The following UGT2B17 variants were observed in gnomAD, a reference collection of about 807,000 sequenced individuals.
The protein encoded by UGT2B17 is UDP-glucuronosyltransferase 2B17.
A neutral mutation model predicts 48.2 loss-of-function variants in UGT2B17; 21 were observed. That is an observed-to-expected ratio of 0.44 (90% confidence interval 0.31 to 0.63). The LOEUF (loss-of-function observed/expected upper bound fraction) is 0.63, where lower values mean the gene tolerates loss of function less well. Among genes scored for constraint, UGT2B17 ranks in the 20% least tolerant of loss-of-function variants. The pLI is 0.08. For synonymous variants in UGT2B17, 146 were observed against 238.4 expected, an observed-to-expected ratio of 0.61 and a Z score of 3.57; for missense variants, 402 against 696.1, an observed-to-expected ratio of 0.58 and a Z score of 4.75.
chr4:68,563,663 T>C lies in UGT2B17; in HGVS notation c.873+1909A>G, dbSNP rs1400433088. Among the ~76,000 whole-genome samples, 3 of 126,682 alleles carry C rather than the reference T, an allele frequency of 2.4e-5. 1 individual carries two copies. The highest frequency in any genetic ancestry group is 5.4e-5 in the African/African-American group (2 of 37,126). The allele number at this position is 126,682 out of a possible 152,430, so 83.1% of individuals were successfully genotyped here. On this transcript the variant is annotated intron_variant, in intron 3 of 6. Transcript: ENST00000317746. ...ATTCTCTTCCCCCTGCTAATGGCAC[T>C]ATCACTTTCTTTTGATGTGAGTGAG...
chr4:68,547,998 C>T lies in UGT2B17; in HGVS notation c.1313+2679G>A, dbSNP rs1443574793. On this transcript the variant is annotated intron_variant, in intron 6 of 6. Transcript: ENST00000317746. ...TGGTGGGACTGTAAACTAGTTCAAC[C>T]ATTGTGGAAGTCAGTGTGGCGATTC... 1.6e-5 allele frequency among the ~76,000 whole-genome samples: 2 copies of T among 126,442 alleles called. 1 individual carries two copies. The highest frequency in any genetic ancestry group is 3.4e-5 in the Non-Finnish European group (2 of 59,596). 83.0% of individuals were successfully genotyped at this position (126,442 alleles called of 152,430 possible). A position where few individuals can be genotyped will look rare whatever the true frequency, so the allele number is the denominator to read the frequency against.
At position 68,550,291 on chromosome 4, in the gene UGT2B17, GATA is replaced by G. The variant is rs1400471634; in HGVS notation, c.1313+383_1313+385del. ...TCATTTTCAAATTGATTAAAATAAT[GATA>G]ATAATAAAAATAAATTTTTGAGAAA... On this transcript the variant is annotated intron_variant, in intron 6 of 6. Transcript: ENST00000317746. 1.4e-4 allele frequency among the ~76,000 whole-genome samples: 18 copies of G among 124,846 alleles called. 2 individuals carry two copies. The highest frequency in any genetic ancestry group is 2.2e-4 in the African/African-American group (8 of 36,782). 81.9% of individuals were successfully genotyped at this position (124,846 alleles called of 152,430 possible).
intron 4 of UGT2B17, among the ~76,000 whole-genome samples, chr4:68,558,345 G>T (rs1731040694): frequency 8.0e-6 from 1 of 125,050 alleles, no homozygotes. Context: ...AGTGTCTTCA[G>T]GTTTTTTTTC....
At chr4:68,557,671 T>C (rs1731027279) in intron 4 of UGT2B17, among the ~76,000 whole-genome samples, 1 of 127,798 alleles carries the variant, frequency 7.8e-6, no homozygotes, top group African/African-American at 2.7e-5. Flanking sequence ...TATTTGTGAG[T>C]ATTTTTTACT....
intron 2 of UGT2B17, among the ~76,000 whole-genome samples, 176 bp downstream of exon 2, chr4:68,567,585 T>G (rs1731222200): frequency 8.0e-6 from 1 of 125,652 alleles, no homozygotes; most frequent in Non-Finnish European, 1.7e-5. Context: ...ACCAGGGTTC[T>G]AACTGATTCT....
rs930316163 is a variant in UGT2B17 at position 68,569,823 on chromosome 4, A to G, written c.-64-1275T>C. Reference sequence around the variant, plus strand: ...ACTGTCCCATCCTCACTTGGGGCTGATGCCATTTTAGGCCTCAGCCCACCT... The same window carrying G: ...ACTGTCCCATCCTCACTTGGGGCTGGTGCCATTTTAGGCCTCAGCCCACCT... On this transcript the variant is annotated intron_variant, in intron 1 of 6. Coordinates refer to ENST00000317746, the MANE Select transcript of UGT2B17 (RefSeq NM_001077.4). Among the ~76,000 whole-genome samples the G allele has an allele frequency of 6.3e-5, 8 of 126,470 alleles. 1 individual carries two copies. Among genetic ancestry groups the G allele is most frequent in the African/African-American group, 2.2e-4 (8 of 36,924 alleles). 83.0% of individuals were successfully genotyped at this position (126,470 alleles called of 152,430 possible). A position where few individuals can be genotyped will look rare whatever the true frequency, so the allele number is the denominator to read the frequency against.
At position 68,565,295 on chromosome 4, in the gene UGT2B17, T is replaced by G. The variant is rs1029927937; in HGVS notation, c.873+277A>C. 2.4e-5 allele frequency among the ~76,000 whole-genome samples: 3 copies of G among 126,440 alleles called. 1 individual carries two copies. The highest frequency in any genetic ancestry group is 5.0e-5 in the Non-Finnish European group (3 of 59,746). The allele number at this position is 126,440 out of a possible 152,430, so 82.9% of individuals were successfully genotyped here. A position where few individuals can be genotyped will look rare whatever the true frequency, so the allele number is the denominator to read the frequency against. On this transcript the variant is annotated intron_variant, in intron 3 of 6. Transcript: ENST00000317746. ...CATTAATCACTCTACAAATATTTTTTGAAGAAATGAACCATACTATCTTGT... is the reference window on the plus strand; with the variant it reads ...CATTAATCACTCTACAAATATTTTTGGAAGAAATGAACCATACTATCTTGT...
chr4:68,564,273 C>CATAT lies in UGT2B17; in HGVS notation c.873+1295_873+1298dup, dbSNP rs199693880. ...TGTCCTTAATGGGTATATCAAATTT[C>CATAT]ATATATATATATATATATATATTTT... On this transcript the variant is annotated intron_variant, in intron 3 of 6. Transcript: ENST00000317746. Among the ~76,000 whole-genome samples the CATAT allele has an allele frequency of 2.1e-4, 20 of 93,400 alleles. 3 individuals carry two copies. Among genetic ancestry groups the CATAT allele is most frequent in the African/African-American group, 9.1e-4 (20 of 21,912 alleles). The allele number at this position is 93,400 out of a possible 152,430, so 61.3% of individuals were successfully genotyped here.
rs1471649038 is a variant in UGT2B17, at chr4:68,570,056, G to T, written c.-64-1508C>A. ...GACAAAGGAAACTCCTCAGCCTCCA[G>T]TTGCCTCTCTGTGCATGTGTAGCAG... On this transcript the variant is annotated intron_variant, in intron 1 of 6. Coordinates refer to ENST00000317746, the MANE Select transcript of UGT2B17 (RefSeq NM_001077.4). Among the ~76,000 whole-genome samples the T allele has an allele frequency of 4.8e-5, 6 of 126,288 alleles. 1 individual carries two copies. The highest frequency in any genetic ancestry group is 1.6e-4 in the African/African-American group (6 of 36,850). The allele number at this position is 126,288 out of a possible 152,430, so 82.8% of individuals were successfully genotyped here.
At chr4:68,574,123 CA>C (rs1560583765) in intron 1 of UGT2B17, among the ~76,000 whole-genome samples, 2 of 126,856 alleles carry the variant, frequency 1.6e-5, no homozygotes, top group African/African-American at 5.4e-5. Flanking sequence ...CCATTTCAAC[CA>C]GGCATTTGTA....
chr4:68,569,627 C>T lies in UGT2B17; in HGVS notation c.-64-1079G>A, dbSNP rs1469518803. Among the ~76,000 whole-genome samples, 2 of 125,210 alleles carry T rather than the reference C, an allele frequency of 1.6e-5. 1 individual carries two copies. Among genetic ancestry groups the T allele is most frequent in the Admixed American group, 1.6e-4 (2 of 12,318 alleles). 82.1% of individuals were successfully genotyped at this position (125,210 alleles called of 152,430 possible). A position where few individuals can be genotyped will look rare whatever the true frequency, so the allele number is the denominator to read the frequency against. On this transcript the variant is annotated intron_variant, in intron 1 of 6. Transcript: ENST00000317746. ...GGCCCAGTCCCAAGATGCAAGGCTGCTTGCATCAGCAGCGTGTGTCAGCAA... is the reference window on the plus strand; with the variant it reads ...GGCCCAGTCCCAAGATGCAAGGCTGTTTGCATCAGCAGCGTGTGTCAGCAA...
In UGT2B17 at chr4:68,542,827, C is replaced by T. The variant is rs752505381; in HGVS notation, c.1314-4923G>A. Among the ~76,000 whole-genome samples, 5 of 126,982 alleles carry T rather than the reference C, an allele frequency of 3.9e-5. 1 individual carries two copies. The highest frequency in any genetic ancestry group is 6.7e-5 in the Non-Finnish European group (4 of 59,728). 83.3% of individuals were successfully genotyped at this position (126,982 alleles called of 152,430 possible). On this transcript the variant is annotated intron_variant, in intron 6 of 6. Coordinates refer to ENST00000317746, the MANE Select transcript of UGT2B17 (RefSeq NM_001077.4). ...CCTGGCTCAGAGGGTCCTACGCCCACGGAGCCTCGCTCATTGCTAGCACAG... is the reference window on the plus strand; with the variant it reads ...CCTGGCTCAGAGGGTCCTACGCCCATGGAGCCTCGCTCATTGCTAGCACAG...
rs1178963863 is a variant in UGT2B17 at position 68,546,681 on chromosome 4, C to T, written c.1313+3996G>A. Among the ~76,000 whole-genome samples the T allele has an allele frequency of 2.4e-5, 3 of 125,380 alleles. 1 individual carries two copies. Among genetic ancestry groups the T allele is most frequent in the Non-Finnish European group, 5.1e-5 (3 of 59,304 alleles). The allele number at this position is 125,380 out of a possible 152,430, so 82.3% of individuals were successfully genotyped here. On this transcript the variant is annotated intron_variant, in intron 6 of 6. Transcript: ENST00000317746. ...TGATTGTATATCTAGAAAACCTGAT[C>T]GTCTGAGCCCCAAATCTCCTTAAGC...
chr4:68,572,954 C>A (rs1387987486), intron 1 of UGT2B17, among the ~76,000 whole-genome samples: 1 of 126,820 alleles, frequency 7.9e-6, no homozygotes, highest in Non-Finnish European at 1.7e-5. Flanking sequence ...TTTAACTGGG[C>A]TCTCTGATAA....
chr4:68,571,856 G>T (rs1731301385), intron 1 of UGT2B17, among the ~76,000 whole-genome samples: 1 of 126,342 alleles, frequency 7.9e-6, no homozygotes, highest in Non-Finnish European at 1.7e-5. Flanking sequence ...ATCATAGAAA[G>T]TCTGAAACAC....
chr4:68,555,064 G>C (rs1168518905), intron 4 of UGT2B17, among the ~76,000 whole-genome samples: 2 of 125,840 alleles, frequency 1.6e-5, no homozygotes, highest in Admixed American at 1.6e-4. Context: ...GCTTTTTCAA[G>C]TTTATGTAAC....
chr4:68,574,783 AT>A (rs1403189609), intron 1 of UGT2B17, among the ~76,000 whole-genome samples: 2 of 126,276 alleles, frequency 1.6e-5, no homozygotes, highest in Admixed American at 8.1e-5. Flanking sequence ...TTTGCATAAA[AT>A]TTTTTATAAC....
chr4:68,546,049 A>C (rs1053772572), intron 6 of UGT2B17, among the ~76,000 whole-genome samples: 1 of 126,456 alleles, frequency 7.9e-6, no homozygotes, highest in African/African-American at 2.7e-5. Context: ...ACAGAAAAAG[A>C]GGGAATCCTC....
intron 6 of UGT2B17, among the ~76,000 whole-genome samples, chr4:68,538,938 T>G (rs1186820608): frequency 7.9e-6 from 1 of 125,994 alleles, no homozygotes. Flanking sequence ...TGAGGTTTGC[T>G]TCTATTTCTT....
Sources: allele counts gnomAD v4.1 joint callset (sites outside exome capture counted in the v4.1 genomes callset), GRCh38; gene constraint gnomAD v4.1.1; transcripts MANE v1.5; gene names NCBI Gene and HGNC (gene_info 2026-07-23, HGNC 2026-07-21).